Variants in TMEM67 observed in about 807,000 individuals in gnomAD.
TMEM67 encodes the protein transmembrane protein 67, also known as meckelin.
A neutral mutation model predicts 136.6 loss-of-function variants in TMEM67; 124 were observed. That is an observed-to-expected ratio of 0.91 (90% confidence interval 0.78 to 1.05). The LOEUF (loss-of-function observed/expected upper bound fraction) is 1.05, where lower values mean the gene tolerates loss of function less well. Ranked by LOEUF, TMEM67 falls within the 50% of genes least tolerant of loss-of-function variation. TMEM67 has a pLI of 0.00. For synonymous variants in TMEM67, 364 were observed against 390.5 expected, an observed-to-expected ratio of 0.93 and a Z score of 0.80; for missense variants, 1,107 against 1,178.4, an observed-to-expected ratio of 0.94 and a Z score of 0.89.
chr8:93,800,585 G>A (rs555471994), intron 21 of TMEM67, among the ~76,000 whole-genome samples: 27 of 152,214 alleles, frequency 1.8e-4, no homozygotes, highest in South Asian at 8.3e-4. Flanking sequence ...GATAAGCTCT[G>A]TTATTATCCT....
intron 14 of TMEM67, among the ~76,000 whole-genome samples, chr8:93,788,565 A>G (rs941665001): frequency 6.6e-6 from 1 of 152,178 alleles, no homozygotes. Context: ...CCATCTCAAA[A>G]TAAATAAATA....
intron 7 of TMEM67, among the ~76,000 whole-genome samples, chr8:93,774,500 A>G (rs984546831): frequency 3.9e-5 from 6 of 152,168 alleles, no homozygotes; most frequent in African/African-American, 1.4e-4. Context: ...TCCTAATGCT[A>G]TCCCTCGCCC....
chr8:93,776,776 G>T (rs1021346083), intron 7 of TMEM67, among the ~76,000 whole-genome samples: 1 of 152,142 alleles, frequency 6.6e-6, no homozygotes, highest in African/African-American at 2.4e-5. Context: ...GAGGATTTTT[G>T]CATCGATGTT....
At chr8:93,809,928 C>A (rs1266924874) in intron 26 of TMEM67, 41 bp downstream of exon 26, 35 of 1,196,350 alleles carry the variant, frequency 2.9e-5, no homozygotes, top group Middle Eastern at 2.0e-4. Flanking sequence ...TAACTGTTTT[C>A]AAAGTTTGAG....
At position 93,781,732 on chromosome 8, in the gene TMEM67, A is replaced by G. The variant is rs1377269421; in HGVS notation, c.1053A>G (p.Gly351=). The stretch of plus-strand genomic sequence containing the variant: ...TTCTCAAGTGGCAAACTTTAGAAGG[A>G]GGTGTTTTACAGGTAAGCATGATTC... ...GNFLKWQTLE[G]GVLQLCPDTE... is the part of the protein sequence containing the mutation. Residue 351 remains glycine, a synonymous_variant, in exon 10 of 28, where the codon GGA becomes GGG. Transcript: ENST00000453321. 6.2e-7 allele frequency: 1 copy of G among 1,603,468 alleles called. No homozygotes were observed. Among genetic ancestry groups the G allele is most frequent in the Non-Finnish European group, 8.5e-7 (1 of 1,171,602 alleles).
chr8:93,800,101 G>A (rs1814804074), intron 21 of TMEM67, among the ~76,000 whole-genome samples: 1 of 151,644 alleles, frequency 6.6e-6, no homozygotes, highest in Admixed American at 6.6e-5. Flanking sequence ...AGTAGAGATG[G>A]GTTTTTACCA....
chr8:93,769,723 G>A (rs1200345209), intron 6 of TMEM67: 5 of 165,612 alleles, frequency 3.0e-5, no homozygotes, highest in African/African-American at 1.2e-4. Context: ...CAGATTCTAA[G>A]GGCTTGTTTA....
In TMEM67 at chr8:93,786,285, C is replaced by T. The variant is rs116647652; in HGVS notation, c.1351C>T (p.Arg451Ter). The T allele has an allele frequency of 8.1e-6, 13 of 1,613,724 alleles. No homozygotes were observed. Among genetic ancestry groups the T allele is most frequent in the Admixed American group, 3.3e-5 (2 of 60,004 alleles). Reference protein sequence around the residue: ...RIFLVDAVSGRENDLGTQPRV... With the variant: ...RIFLVDAVSG The stretch of plus-strand genomic sequence containing the variant: ...TTTCTTAGTGGATGCAGTAAGTGGA[C>T]GAGAAAATGACTTAGGAACTCAGCC... Residue 451 changes from arginine (R) to a stop codon, truncating the protein, a stop_gained, in exon 13 of 28, where the codon CGA (arginine) becomes TGA (stop). Coordinates refer to ENST00000453321, the MANE Select transcript of TMEM67 (RefSeq NM_153704.6). LOFTEE classifies it high-confidence loss of function.
In TMEM67 at chr8:93,763,839, C is replaced by T. The variant is rs756579385; in HGVS notation, c.407-3C>T. 1 of 1,602,742 alleles carries T rather than the reference C, an allele frequency of 6.2e-7. No individual in the cohort carries two copies. Among genetic ancestry groups the T allele is most frequent in the East Asian group, 2.2e-5 (1 of 44,758 alleles). ...ATCTTTATTTTGTTTCTAAACTGTTCAGTGGAAAGAGACATTAATGGAACA... is the reference window on the plus strand; with the variant it reads ...ATCTTTATTTTGTTTCTAAACTGTTTAGTGGAAAGAGACATTAATGGAACA... On this transcript the variant is annotated splice_region_variant and splice_polypyrimidine_tract_variant and intron_variant, in intron 3 of 27. Transcript: ENST00000453321.
intron 15 of TMEM67, among the ~76,000 whole-genome samples, chr8:93,792,872 A>G (rs887552356): frequency 6.7e-5 from 10 of 150,014 alleles, no homozygotes; most frequent in Non-Finnish European, 1.0e-4. Context: ...TCCCAGGTTC[A>G]TGCCATTCTC....
In TMEM67 at chr8:93,815,452, A is replaced by G; in HGVS notation, c.2907+5A>G. The G allele has an allele frequency of 6.2e-7, 1 of 1,610,878 alleles. No individual in the cohort carries two copies. Among genetic ancestry groups the G allele is most frequent in the East Asian group, 2.2e-5 (1 of 44,728 alleles). ...CTTACATATCTACAACAAGAGGTAA[A>G]CTTTTAAAATTTTTCTACATTTTCC... On this transcript the variant is annotated splice_donor_5th_base_variant and intron_variant, in intron 27 of 27. Coordinates refer to ENST00000453321, the MANE Select transcript of TMEM67 (RefSeq NM_153704.6).
At position 93,780,914 on chromosome 8, in the gene TMEM67, G is replaced by A. The variant is rs1424962133; in HGVS notation, c.910G>A (p.Gly304Arg). The change falls in exon 9 of 28, where the codon GGA becomes AGA. Residue 304 changes from glycine to arginine, a missense_variant. By Grantham distance (125) the Gly-to-Arg change is moderately radical. Coordinates refer to ENST00000453321, the MANE Select transcript of TMEM67 (RefSeq NM_153704.6). Reference sequence around the variant, plus strand: ...TTGGCTGTTTTATGGAGACCAGTTAGGATTAGCACCTCAAGTGCTCAGTTC... The same window carrying A: ...TTGGCTGTTTTATGGAGACCAGTTAAGATTAGCACCTCAAGTGCTCAGTTC... Reference protein sequence around the residue: ...LPWLFYGDQLGLAPQVLSSTS... With the variant: ...LPWLFYGDQLRLAPQVLSSTS... 1.2e-6 allele frequency: 2 copies of A among 1,612,468 alleles called. No homozygotes were observed. The highest frequency in any genetic ancestry group is 8.5e-7 in the Non-Finnish European group (1 of 1,179,862).
intron 15 of TMEM67, among the ~76,000 whole-genome samples, chr8:93,791,724 T>C (rs1814384083): frequency 6.6e-6 from 1 of 152,212 alleles, no homozygotes; most frequent in Non-Finnish European, 1.5e-5. Context: ...TTTCCCATGA[T>C]CAAATTGAGT....
intron 27 of TMEM67, 130 bp from the exon 28 acceptor site, chr8:93,816,242 A>G (rs1317835669): frequency 1.4e-5 from 7 of 504,306 alleles, no homozygotes; most frequent in South Asian, 7.3e-5. Flanking sequence ...ATGTATCACT[A>G]TGGGATTCAG....
chr8:93,793,903 T>G (rs1412429530), intron 16 of TMEM67, among the ~76,000 whole-genome samples: 1 of 152,168 alleles, frequency 6.6e-6, no homozygotes, highest in African/African-American at 2.4e-5. Context: ...TTGTTGTTGT[T>G]TTTTTGAGAC....
intron 22 of TMEM67, 51 bp from the exon 23 acceptor site, chr8:93,804,711 A>G (rs761888167): frequency 5.9e-6 from 6 of 1,010,528 alleles, no homozygotes; most frequent in Non-Finnish European, 9.3e-6. Context: ...TTAATTTTTT[A>G]TTGTTTTGCA....
intron 22 of TMEM67, among the ~76,000 whole-genome samples, chr8:93,804,060 T>G (rs1020362095): frequency 9.9e-5 from 15 of 151,472 alleles, no homozygotes; most frequent in African/African-American, 3.2e-4. Context: ...TTTGTATTTT[T>G]GGTATAGATG....
intron 6 of TMEM67, among the ~76,000 whole-genome samples, chr8:93,771,655 G>A (rs2130618208): frequency 6.6e-6 from 1 of 152,302 alleles, no homozygotes; most frequent in Non-Finnish European, 1.5e-5. Context: ...CTGGGTTAGA[G>A]TATATGGATA....
chr8:93,824,398 A>C, the TMEM67 span, among the ~76,000 whole-genome samples: 2 of 152,244 alleles, frequency 1.3e-5, no homozygotes, highest in Non-Finnish European at 2.9e-5. Context: ...AGAACATTTT[A>C]GCTTTAACTC....
Sources: allele counts gnomAD v4.1 joint callset (sites outside exome capture counted in the v4.1 genomes callset), GRCh38; gene constraint gnomAD v4.1.1; transcripts MANE v1.5; gene names NCBI Gene and HGNC (gene_info 2026-07-23, HGNC 2026-07-21).